The following FSD1L variants were observed in gnomAD, a reference collection of about 807,000 sequenced individuals.
The protein encoded by FSD1L is fibronectin type III and SPRY domain containing 1 like.
FSD1L carries 45 observed loss-of-function variants against 71.6 expected under a neutral mutation model. The ratio of observed to expected loss-of-function variants is 0.63; its 90% confidence interval spans 0.49 to 0.81. The LOEUF is 0.81. Among genes scored for constraint, FSD1L ranks in the 30% least tolerant of loss-of-function variants. FSD1L has a pLI of 0.00. For missense variants in FSD1L, 561 were observed against 618.1 expected, an observed-to-expected ratio of 0.91 and a Z score of 0.98; for synonymous variants, 197 against 207.2, an observed-to-expected ratio of 0.95 and a Z score of 0.42.
In FSD1L at chr9:105,522,209, G is replaced by A. The variant is rs192337292; in HGVS notation, c.1025+9273G>A. On this transcript the variant is annotated intron_variant, in intron 10 of 13. Transcript: ENST00000481272. ...ACTTACTGTCAGTATTGTCATCGTT[G>A]ACCTATTGGGAAGAGTTGGCCACTG... The A allele has an allele frequency of 4.0e-5, 65 of 1,613,896 alleles. No homozygotes were observed. In the African/African-American group the frequency reaches 6.9e-4, roughly 17 times the overall value.
At chr9:105,468,068 G>T in intron 3 of FSD1L, 125 bp from the exon 4 acceptor site, 2 of 649,178 alleles carry the variant, frequency 3.1e-6, no homozygotes, top group Non-Finnish European at 4.5e-6. Context: ...TTAGAATTAT[G>T]TTATTTTTAT....
At chr9:105,535,010 AACTGTGTG>A in intron 11 of FSD1L, 49 bp from the exon 12 acceptor site, 1 of 1,534,162 alleles carries the variant, frequency 6.5e-7, no homozygotes, top group Non-Finnish European at 8.8e-7. Context: ...TGGTAGGTAA[AACTGTGTG>A]ACTCATAAGG....
At chr9:105,534,040 A>G (rs933667089) in intron 10 of FSD1L, among the ~76,000 whole-genome samples, 2 of 152,136 alleles carry the variant, frequency 1.3e-5, no homozygotes, top group African/African-American at 4.8e-5. Context: ...TTCTATTTTT[A>G]AGAAGGTAAG....
intron 1 of FSD1L, among the ~76,000 whole-genome samples, chr9:105,457,227 G>A (rs1830413648): frequency 6.6e-6 from 1 of 152,218 alleles, no homozygotes; most frequent in Non-Finnish European, 1.5e-5. Context: ...TAGGTAGAAA[G>A]CAAGTCAGAT....
intron 5 of FSD1L, among the ~76,000 whole-genome samples, chr9:105,478,419 A>T (rs1831953670): frequency 6.6e-6 from 1 of 152,182 alleles, no homozygotes; most frequent in South Asian, 2.1e-4. Context: ...AAGTTTAATA[A>T]TTATTAAGTA....
At position 105,552,174 on chromosome 9, in the gene FSD1L, C is replaced by T. The variant is rs936663838; in HGVS notation, c.*5691C>T. 11 of 149,030 alleles carry T rather than the reference C, an allele frequency of 7.4e-5. No individual in the cohort carries two copies. The highest frequency in any genetic ancestry group is 2.7e-4 in the African/African-American group (11 of 40,524). The allele number at this position is 149,030 out of a possible 1,614,324, so 9.2% of individuals were successfully genotyped here. A position where few individuals can be genotyped will look rare whatever the true frequency, so the allele number is the denominator to read the frequency against. ...AAAATTCTAATTCCTCAGGTTTGGC[C>T]TTTTAAGTTATGGCTGAAGACCTTT... On this transcript the variant is annotated 3_prime_UTR_variant, in exon 14 of 14. Transcript: ENST00000481272.
intron 5 of FSD1L, among the ~76,000 whole-genome samples, chr9:105,475,803 G>C (rs1183966829): frequency 6.6e-6 from 1 of 152,268 alleles, no homozygotes; most frequent in Admixed American, 6.5e-5. Flanking sequence ...TTTTGTGACA[G>C]ATTCTTTCAA....
intron 10 of FSD1L, chr9:105,524,392 C>A: frequency 6.2e-7 from 1 of 1,613,924 alleles, no homozygotes; most frequent in Non-Finnish European, 8.5e-7. Flanking sequence ...GAGGCTTCAT[C>A]TTATGAAATG....
At chr9:105,546,234 G>GT (rs1273258003) in intron 13 of FSD1L, 124 bp from the exon 14 acceptor site, 20 of 817,622 alleles carry the variant, frequency 2.4e-5, no homozygotes, top group Non-Finnish European at 3.4e-5. Flanking sequence ...AAATATGACA[G>GT]TTAATGTGTT....
In FSD1L at chr9:105,487,530, C is replaced by G. The variant is rs1161940325; in HGVS notation, c.586+3028C>G. Among the ~76,000 whole-genome samples the G allele has an allele frequency of 2.0e-5, 3 of 151,648 alleles. No individual in the cohort carries two copies. In the East Asian group the frequency reaches 5.8e-4, roughly 29 times the overall value. ...TGTGCTTTTGTCATATTTTCATAAG[C>G]CACTTTAAAAATGAGCTCCCTATTT... On this transcript the variant is annotated intron_variant, in intron 7 of 13. Transcript: ENST00000481272.
intron 10 of FSD1L, among the ~76,000 whole-genome samples, chr9:105,529,317 A>T (rs1835740581): frequency 6.6e-6 from 1 of 152,226 alleles, no homozygotes; most frequent in Admixed American, 6.5e-5. Flanking sequence ...ATAAAGTCAC[A>T]TGCACACATA....
At chr9:105,512,576 A>G (rs1437793344) in intron 9 of FSD1L, among the ~76,000 whole-genome samples, 1 of 152,096 alleles carries the variant, frequency 6.6e-6, no homozygotes, top group East Asian at 1.9e-4. Context: ...AGTACATTGT[A>G]TTTGGTTGGT....
At chr9:105,448,327 G>A in intron 1 of FSD1L, 92 bp downstream of exon 1, 1 of 1,212,132 alleles carries the variant, frequency 8.2e-7, no homozygotes, top group Non-Finnish European at 1.1e-6. Context: ...GTGGGTGCGC[G>A]GGGTGGGCCT....
Position 105,448,149 on chromosome 9 carries a change from G to A in FSD1L, c.-72G>A, listed in dbSNP as rs1165914271. 3.4e-6 allele frequency: 5 copies of A among 1,478,478 alleles called. No individual in the cohort carries two copies. The highest frequency in any genetic ancestry group is 1.2e-5 in the South Asian group (1 of 82,644). The allele number at this position is 1,478,478 out of a possible 1,614,324, so 91.6% of individuals were successfully genotyped here. ...GTGCAGTGAGTAGCGGTCTTGGGGTGTGCGATCTCGCTGAGCCTCCTCACA... is the reference window on the plus strand; with the variant it reads ...GTGCAGTGAGTAGCGGTCTTGGGGTATGCGATCTCGCTGAGCCTCCTCACA... On this transcript the variant is annotated 5_prime_UTR_variant, in exon 1 of 14. The change creates a new upstream start codon in the 5' untranslated region. Coordinates refer to ENST00000481272, the MANE Select transcript of FSD1L (RefSeq NM_001145313.3).
At chr9:105,465,758 A>G (rs1447893938) in intron 3 of FSD1L, among the ~76,000 whole-genome samples, 10 of 152,254 alleles carry the variant, frequency 6.6e-5, no homozygotes, top group Admixed American at 3.3e-4. Context: ...ATGTACCACA[A>G]CACAGTAAAG....
chr9:105,526,500 G>T, intron 10 of FSD1L: 14 of 1,612,198 alleles, frequency 8.7e-6, no homozygotes, highest in Non-Finnish European at 1.2e-5. Flanking sequence ...ATGAAGCTGC[G>T]TCGTTCCTCT....
chr9:105,499,015 A>T (rs1337353278), intron 7 of FSD1L, among the ~76,000 whole-genome samples: 1 of 152,176 alleles, frequency 6.6e-6, no homozygotes, highest in African/African-American at 2.4e-5. Context: ...CATGATTTCT[A>T]TGCTTTTGAA....
At chr9:105,541,058 C>T (rs1447399798) in intron 13 of FSD1L, among the ~76,000 whole-genome samples, 4 of 152,118 alleles carry the variant, frequency 2.6e-5, no homozygotes, top group Non-Finnish European at 5.9e-5. Flanking sequence ...CTAACTGTAA[C>T]TTCTCAACTA....
chr9:105,465,075 G>A (rs763666616), intron 3 of FSD1L, among the ~76,000 whole-genome samples: 1 of 152,168 alleles, frequency 6.6e-6, no homozygotes, highest in Non-Finnish European at 1.5e-5. Flanking sequence ...TGAGAAGGGA[G>A]AGGAATACTT....
Sources: gnomAD v4.1 joint callset for allele counts (sites outside exome capture counted in the v4.1 genomes callset) on GRCh38, gnomAD v4.1.1 for gene constraint, MANE v1.5 for transcripts, NCBI Gene and HGNC (gene_info 2026-07-23, HGNC 2026-07-21) for gene names.